The following NR2C1 variants were observed in gnomAD, a reference collection of about 807,000 sequenced individuals.
The protein encoded by NR2C1 is nuclear receptor subfamily 2 group C member 1.
Under a neutral mutation model 74.8 loss-of-function variants are expected in NR2C1, and 33 were observed. The observed-to-expected ratio is 0.44, with a 90% confidence interval of 0.33 to 0.59. NR2C1 has a LOEUF of 0.59. Among genes scored for constraint, NR2C1 ranks in the 20% least tolerant of loss-of-function variants. The pLI, the probability that NR2C1 is intolerant of heterozygous loss-of-function variation, is 0.02. For missense variants in NR2C1, 568 were observed against 715.6 expected, an observed-to-expected ratio of 0.79 and a Z score of 2.35; for synonymous variants, 225 against 240.6, an observed-to-expected ratio of 0.94 and a Z score of 0.60.
At chr12:95,027,402 C>T (rs1869494292) in intron 12 of NR2C1, among the ~76,000 whole-genome samples, 1 of 152,100 alleles carries the variant, frequency 6.6e-6, no homozygotes. Context: ...CCTTTTCATA[C>T]CCATATAAAT....
chr12:95,026,409 CA>C (rs1451882077), intron 12 of NR2C1, among the ~76,000 whole-genome samples: 2 of 151,810 alleles, frequency 1.3e-5, no homozygotes, highest in African/African-American at 4.8e-5. Context: ...TAACATTACA[CA>C]AAAACAGAAA....
intron 9 of NR2C1, among the ~76,000 whole-genome samples, chr12:95,042,290 C>G (rs1293703611): frequency 6.8e-6 from 1 of 146,262 alleles, no homozygotes; most frequent in East Asian, 2.0e-4. Flanking sequence ...GGCGTGATCT[C>G]AGCTCTCTGC....
intron 10 of NR2C1, among the ~76,000 whole-genome samples, chr12:95,039,496 T>C (rs1002173577): frequency 2.6e-5 from 4 of 152,232 alleles, no homozygotes; most frequent in African/African-American, 4.8e-5. Flanking sequence ...GGCTTAACTT[T>C]TTCCATTGCT....
chr12:95,030,446 G>A, intron 11 of NR2C1: 6 of 1,390,372 alleles, frequency 4.3e-6, no homozygotes, highest in South Asian at 2.0e-5. Flanking sequence ...TATTGTAGAG[G>A]GACATGTTTA....
In NR2C1 at chr12:95,049,558, A is replaced by T. The variant is rs898138952; in HGVS notation, c.966-325T>A. On this transcript the variant is annotated intron_variant, in intron 8 of 13. Coordinates refer to ENST00000333003, the MANE Select transcript of NR2C1 (RefSeq NM_003297.4). The stretch of plus-strand genomic sequence containing the variant: ...GGCTGCAGTGAGCTATGATCACACC[A>T]CTGTACTCCAGCCTGGGTGACACAG... 2.1e-4 allele frequency: 36 copies of T among 174,470 alleles called. 1 individual carries two copies. Among genetic ancestry groups the T allele is most frequent in the Admixed American group, 6.1e-5 (1 of 16,516 alleles). 10.8% of individuals were successfully genotyped at this position (174,470 alleles called of 1,614,324 possible).
rs558368402 is a variant in NR2C1 at position 95,051,777 on chromosome 12, T to C, written c.950A>G (p.Asn317Ser). The C allele has an allele frequency of 1.6e-4, 249 of 1,606,400 alleles. 3 individuals carry two copies. In the South Asian group the frequency reaches 2.2e-3, roughly 14 times the overall value. Reference sequence around the variant, plus strand: ...GATACCTTACCTTGAAACATCACCGTTGGTCTGCATTTCTTGAAATTCACA... The same window carrying C: ...GATACCTTACCTTGAAACATCACCGCTGGTCTGCATTTCTTGAAATTCACA... ...SLCEFQEMQTNGDVSRAFDTL... is the reference protein window; with the variant it reads ...SLCEFQEMQTSGDVSRAFDTL... The change falls in exon 8 of 14, where the codon AAC becomes AGC. Residue 317 changes from asparagine (N) to serine (S), a missense_variant. Transcript: ENST00000333003.
At chr12:95,028,643 A>G in intron 11 of NR2C1, 119 bp from the exon 12 acceptor site, 2 of 744,186 alleles carry the variant, frequency 2.7e-6, no homozygotes, top group Non-Finnish European at 4.4e-6. Context: ...ATTTTTTTTG[A>G]GACAGGGTTT....
intron 2 of NR2C1, 61 bp from the exon 3 acceptor site, chr12:95,062,799 ATCT>A (rs1874997837): frequency 3.9e-6 from 5 of 1,293,382 alleles, no homozygotes; most frequent in South Asian, 3.6e-5. Flanking sequence ...TGACACAATT[ATCT>A]TCTTAGAAAA....
intron 7 of NR2C1, 50 bp from the exon 8 acceptor site, chr12:95,051,993 T>A: frequency 7.9e-7 from 1 of 1,267,264 alleles, no homozygotes; most frequent in Non-Finnish European, 1.1e-6. Flanking sequence ...CACTATTTTT[T>A]TCAATCTGAA....
intron 13 of NR2C1, among the ~76,000 whole-genome samples, chr12:95,023,942 C>T (rs996327179): frequency 5.3e-5 from 8 of 152,312 alleles, no homozygotes; most frequent in East Asian, 3.9e-4. Flanking sequence ...TCTGTCCTAA[C>T]GCCTTGCACT....
At chr12:95,062,415 T>C in intron 3 of NR2C1, 93 bp downstream of exon 3, 1 of 798,006 alleles carries the variant, frequency 1.3e-6, no homozygotes. Flanking sequence ...TCCTACTGAA[T>C]ATACATAGAT....
intron 1 of NR2C1, among the ~76,000 whole-genome samples, chr12:95,069,889 T>C (rs1226548039): frequency 6.6e-6 from 1 of 152,126 alleles, no homozygotes; most frequent in Non-Finnish European, 1.5e-5. Flanking sequence ...TAACTACACC[T>C]TTCAGTTGAT....
At position 95,021,709 on chromosome 12, in the gene NR2C1, A is replaced by G. The variant is rs1223317773; in HGVS notation, c.*520T>C. On this transcript the variant is annotated 3_prime_UTR_variant, in exon 14 of 14. Coordinates refer to ENST00000333003, the MANE Select transcript of NR2C1 (RefSeq NM_003297.4). ...AGAGAAGACAAAAAATATGTATTCA[A>G]TTATTTCCTATAGTTCTAATACTGT... is the stretch of plus-strand genomic sequence containing the variant. 2.6e-5 allele frequency: 4 copies of G among 152,298 alleles called. No homozygotes were observed. 9.4% of individuals were successfully genotyped at this position (152,298 alleles called of 1,614,324 possible).
At chr12:95,067,829 T>G (rs1051972477) in intron 1 of NR2C1, among the ~76,000 whole-genome samples, 3 of 151,738 alleles carry the variant, frequency 2.0e-5, no homozygotes, top group Admixed American at 6.6e-5. Context: ...TCCCAAGTGT[T>G]GGTATTGGAA....
intron 7 of NR2C1, among the ~76,000 whole-genome samples, chr12:95,053,022 C>CA (rs1873257045): frequency 1.3e-5 from 2 of 151,634 alleles, no homozygotes; most frequent in South Asian, 4.2e-4. Flanking sequence ...CTCACTCTGT[C>CA]ACCCAGGCTG....
intron 10 of NR2C1, among the ~76,000 whole-genome samples, chr12:95,034,152 C>T (rs949541872): frequency 4.6e-5 from 7 of 152,052 alleles, no homozygotes; most frequent in Non-Finnish European, 7.4e-5. Context: ...ATACTTGCAA[C>T]AAATGCTAAT....
chr12:95,030,277 G>C (rs1419516105), intron 11 of NR2C1: 1 of 290,228 alleles, frequency 3.4e-6, no homozygotes, highest in Non-Finnish European at 5.9e-6. Flanking sequence ...TTTGGTAATA[G>C]GATTTTATTT....
chr12:95,050,866 C>T (rs774165957), intron 8 of NR2C1, among the ~76,000 whole-genome samples: 4 of 152,032 alleles, frequency 2.6e-5, no homozygotes, highest in African/African-American at 4.8e-5. Context: ...TAACTTAAAA[C>T]TGTAGTTGAT....
At chr12:95,060,739 A>T (rs982898668) in intron 3 of NR2C1, among the ~76,000 whole-genome samples, 17 of 152,340 alleles carry the variant, frequency 1.1e-4, no homozygotes, top group Admixed American at 4.6e-4. Context: ...ATTTTCTTTC[A>T]ATCTTGAAAT....
Sources: allele counts gnomAD v4.1 joint callset (sites outside exome capture counted in the v4.1 genomes callset), GRCh38; gene constraint gnomAD v4.1.1; transcripts MANE v1.5; gene names NCBI Gene and HGNC (gene_info 2026-07-23, HGNC 2026-07-21).